Variants in PDGFB observed in about 807,000 individuals in gnomAD.
PDGFB encodes the protein platelet-derived growth factor subunit B.
A neutral mutation model predicts 29.0 loss-of-function variants in PDGFB; 6 were observed. The observed-to-expected ratio is 0.21, with a 90% CI of 0.11 to 0.41. PDGFB has a LOEUF of 0.41. Among genes scored for constraint, PDGFB ranks in the 10% least tolerant of loss-of-function variants. PDGFB has a pLI of 1.00. For missense variants in PDGFB, 299 were observed against 341.8 expected (o/e 0.87, Z 0.99); for synonymous variants, 144 against 140.8 (o/e 1.02, Z -0.16).
intron 5 of PDGFB, among the ~76,000 whole-genome samples, chr22:39,229,512 C>T (rs775186567): frequency 1.2e-4 from 19 of 152,184 alleles, no homozygotes; most frequent in Admixed American, 6.5e-4. Flanking sequence ...ACGAGAAATT[C>T]GTTTGATTTC....
chr22:39,229,013 T>C (rs1932235197), intron 5 of PDGFB, among the ~76,000 whole-genome samples: 1 of 151,972 alleles, frequency 6.6e-6, no homozygotes, highest in African/African-American at 2.4e-5. Context: ...TTCCATGGCA[T>C]CCAGCGACTC....
rs1932292735 is a variant in PDGFB, at chr22:39,231,123, T to C, written c.456+499A>G. ...CTGGTGGGCCTCTCTGCACTCTCTTTATTAAAGACACAGCTTGTCAAAGAG... is the reference window on the plus strand; with the variant it reads ...CTGGTGGGCCTCTCTGCACTCTCTTCATTAAAGACACAGCTTGTCAAAGAG... On this transcript the variant is annotated intron_variant, in intron 4 of 6. Transcript: ENST00000331163. The surrounding 1 kb of genome is among the most constrained non-coding windows in gnomAD (Gnocchi z 4.3). 1.3e-5 allele frequency among the ~76,000 whole-genome samples: 2 copies of C among 151,900 alleles called. No individual in the cohort carries two copies. Among genetic ancestry groups the C allele is most frequent in the South Asian group, 2.1e-4 (1 of 4,796 alleles).
Position 39,225,888 on chromosome 22 carries a change from T to C in PDGFB, c.602-41A>G, listed in dbSNP as rs113656523. 5,198 of 1,587,436 alleles carry C rather than the reference T, an allele frequency of 3.3e-3. 135 individuals are homozygous for C. In the African/African-American group the frequency reaches 0.061, roughly 19 times the overall value. On this transcript the variant is annotated intron_variant, in intron 5 of 6. Coordinates refer to ENST00000331163, the MANE Select transcript of PDGFB (RefSeq NM_002608.4). ...AAAGACCTCGTCAGCATGTGGACCA[T>C]TGGGGAGGTCTCTCCCCACTGACCA... is the stretch of plus-strand genomic sequence containing the variant.
At chr22:39,229,882 G>A (rs1932254839) in intron 5 of PDGFB, among the ~76,000 whole-genome samples, 1 of 152,210 alleles carries the variant, frequency 6.6e-6, no homozygotes, top group Admixed American at 6.5e-5. Context: ...GCAGAGACCA[G>A]AGAGCCAGCC....
intron 1 of PDGFB, chr22:39,240,885 G>GCTCAGT: frequency 1.9e-6 from 3 of 1,611,686 alleles, no homozygotes; most frequent in Non-Finnish European, 2.5e-6. Flanking sequence ...CACCATTCCT[G>GCTCAGT]CTCAGTCAGT....
rs752456398 is a variant in PDGFB, at chr22:39,231,577, A to AGAAGCCCCAGAAG, written c.456+44_456+45insCTTCTGGGGCTTC. ...TATGAGCCCCAGAAGGGTGGTCTCCACCCACCACCGGGACCAGCCTCGGGG... is the reference window on the plus strand; with the variant it reads ...TATGAGCCCCAGAAGGGTGGTCTCCAGAAGCCCCAGAAGCCCACCACCGGGACCAGCCTCGGGG... On this transcript the variant is annotated intron_variant, in intron 4 of 6. Transcript: ENST00000331163. The surrounding 1 kb of genome is among the most constrained non-coding windows in gnomAD (Gnocchi z 4.3). 6,412 of 1,409,268 alleles carry AGAAGCCCCAGAAG rather than the reference A, an allele frequency of 4.5e-3. 19 individuals carry two copies. The highest frequency in any genetic ancestry group is 5.5e-3 in the Non-Finnish European group (5,738 of 1,042,266). The allele number at this position is 1,409,268 out of a possible 1,614,324, so 87.3% of individuals were successfully genotyped here. A position where few individuals can be genotyped will look rare whatever the true frequency, so the allele number is the denominator to read the frequency against.
chr22:39,244,416 GC>G lies in PDGFB; in HGVS notation c.-454del. Reference sequence around the variant, plus strand: ...CTTTTTTGCAACATTTTCTGGAAAGGCCCCCAAAATCGGAAAGCGCGGAGCT... The same window carrying G: ...CTTTTTTGCAACATTTTCTGGAAAGGCCCCAAAATCGGAAAGCGCGGAGCT... On this transcript the variant is annotated 5_prime_UTR_variant, in exon 1 of 7. Coordinates refer to ENST00000331163, the MANE Select transcript of PDGFB (RefSeq NM_002608.4). The surrounding 1 kb of genome is among the most constrained non-coding windows in gnomAD (Gnocchi z 4.5). 1 of 185,304 alleles carries G rather than the reference GC, an allele frequency of 5.4e-6. No individual in the cohort carries two copies. The highest frequency in any genetic ancestry group is 1.1e-5 in the Non-Finnish European group (1 of 87,088). The allele number at this position is 185,304 out of a possible 1,614,324, so 11.5% of individuals were successfully genotyped here.
At chr22:39,239,469 G>A (rs555438143) in intron 1 of PDGFB, among the ~76,000 whole-genome samples, 5 of 152,286 alleles carry the variant, frequency 3.3e-5, no homozygotes, top group Admixed American at 1.3e-4. Flanking sequence ...TGGGGATGAC[G>A]AGCATGAGCA....
At chr22:39,232,848 C>G (rs1160138186) in intron 3 of PDGFB, among the ~76,000 whole-genome samples, 1 of 152,142 alleles carries the variant, frequency 6.6e-6, no homozygotes, top group African/African-American at 2.4e-5. Context: ...TTTGGGGACT[C>G]CAGGTGTCAA....
In PDGFB at chr22:39,231,658, C is replaced by T; in HGVS notation, c.420G>A (p.Gln140=). The T allele has an allele frequency of 6.3e-7, 1 of 1,587,052 alleles. No individual in the cohort carries two copies. Among genetic ancestry groups the T allele is most frequent in the Non-Finnish European group, 8.6e-7 (1 of 1,167,688 alleles). ...CSGCCNNRNV[Q]CRPTQVQLRP... ...GCAGCTGCACCTGGGTGGGGCGGCA[C>T]TGCACGTTGCGGTTGTTGCAGCAGC... The change falls in exon 4 of 7, where the codon CAG becomes CAA. Residue 140 remains glutamine (Q), a synonymous_variant. Coordinates refer to ENST00000331163, the MANE Select transcript of PDGFB (RefSeq NM_002608.4). This position sits in a 1 kb window ranked among gnomAD's most constrained non-coding sequence, Gnocchi z 4.3.
In PDGFB at chr22:39,244,521, A is replaced by G; in HGVS notation, c.-558T>C. The G allele has an allele frequency of 5.8e-6, 1 of 171,054 alleles. No homozygotes were observed. The highest frequency in any genetic ancestry group is 1.0e-4 in the East Asian group (1 of 9,626). The allele number at this position is 171,054 out of a possible 1,614,324, so 10.6% of individuals were successfully genotyped here. A position where few individuals can be genotyped will look rare whatever the true frequency, so the allele number is the denominator to read the frequency against. On this transcript the variant is annotated 5_prime_UTR_variant, in exon 1 of 7. Transcript: ENST00000331163. This position sits in a 1 kb window ranked among gnomAD's most constrained non-coding sequence, Gnocchi z 4.5. Reference sequence around the variant, plus strand: ...GCAACGGCAGCTCGAGCACCCGGGCAGGGAGAGGTGCAAACTCCCGCCCGG... The same window carrying G: ...GCAACGGCAGCTCGAGCACCCGGGCGGGGAGAGGTGCAAACTCCCGCCCGG...
Position 39,231,521 on chromosome 22 carries a change from C to T in PDGFB, c.456+101G>A. ...AAATCAGGAATGTCCTTCGACACAC[C>T]ACTCTGCCCAGTCAAGGAAGCCTGG... On this transcript the variant is annotated intron_variant, in intron 4 of 6. Coordinates refer to ENST00000331163, the MANE Select transcript of PDGFB (RefSeq NM_002608.4). This position sits in a 1 kb window ranked among gnomAD's most constrained non-coding sequence, Gnocchi z 4.3. The T allele has an allele frequency of 1.2e-6, 1 of 858,724 alleles. No individual in the cohort carries two copies. The highest frequency in any genetic ancestry group is 1.8e-6 in the Non-Finnish European group (1 of 568,014). 53.2% of individuals were successfully genotyped at this position (858,724 alleles called of 1,614,324 possible).
chr22:39,225,793 G>C lies in PDGFB; in HGVS notation c.656C>G (p.Pro219Arg), dbSNP rs200444646. 1.3e-4 allele frequency: 216 copies of C among 1,614,150 alleles called. No individual in the cohort carries two copies. The highest frequency in any genetic ancestry group is 1.7e-4 in the Non-Finnish European group (204 of 1,180,006). The change falls in exon 6 of 7, where the codon CCC (proline) becomes CGC (arginine). Residue 219 changes from proline (P) to arginine (R), a missense_variant. Transcript: ENST00000331163. ...TIRTVRVRRP[P>R]KGKHRKFKHT... ...CTTGAATTTCCGGTGCTTGCCCTTGGGGGGCCGGCGGACTCGCACCGTCCG... is the reference window on the plus strand; with the variant it reads ...CTTGAATTTCCGGTGCTTGCCCTTGCGGGGCCGGCGGACTCGCACCGTCCG...
intron 5 of PDGFB, among the ~76,000 whole-genome samples, chr22:39,227,066 C>T (rs532314980): frequency 3.1e-4 from 47 of 152,366 alleles, no homozygotes; most frequent in Non-Finnish European, 3.4e-4. Context: ...TCAAGTGATT[C>T]TCCTGCCTCA....
chr22:39,238,229 T>C (rs1375200004), intron 1 of PDGFB, among the ~76,000 whole-genome samples: 1 of 152,118 alleles, frequency 6.6e-6, no homozygotes, highest in Non-Finnish European at 1.5e-5. Context: ...CCTCGGTAAA[T>C]ACTGGTCAAA....
rs1932603029 is a variant in PDGFB at position 39,242,927 on chromosome 22, T to C, written c.63+974A>G. ...GTCCTGCCCCGCCCCCTTTCCCACC[T>C]GGATTCCGGGTAGACTTGCCAACTC... On this transcript the variant is annotated intron_variant, in intron 1 of 6. Transcript: ENST00000331163. The surrounding 1 kb of genome is among the most constrained non-coding windows in gnomAD (Gnocchi z 5.7). The C allele has an allele frequency of 4.3e-6, 1 of 232,948 alleles. No homozygotes were observed. Among genetic ancestry groups the C allele is most frequent in the Non-Finnish European group, 8.5e-6 (1 of 117,896 alleles). The allele number at this position is 232,948 out of a possible 1,614,324, so 14.4% of individuals were successfully genotyped here.
intron 1 of PDGFB, chr22:39,241,020 G>C: frequency 1.2e-6 from 1 of 862,202 alleles, no homozygotes; most frequent in Non-Finnish European, 1.9e-6. Context: ...CACCTCCAGG[G>C]CTCTGGGATT....
chr22:39,234,115 A>G (rs902790773), intron 2 of PDGFB, among the ~76,000 whole-genome samples: 1 of 152,078 alleles, frequency 6.6e-6, no homozygotes, highest in Non-Finnish European at 1.5e-5. Context: ...AGTCCCTGCC[A>G]CACACCCTTC....
At chr22:39,239,496 G>A (rs959993872) in intron 1 of PDGFB, among the ~76,000 whole-genome samples, 1 of 152,184 alleles carries the variant, frequency 6.6e-6, no homozygotes, top group African/African-American at 2.4e-5. Context: ...GGGAGTCACA[G>A]GCTCTTCTTG....
Sources: allele counts gnomAD v4.1 joint callset (sites outside exome capture counted in the v4.1 genomes callset), GRCh38; gene constraint gnomAD v4.1.1; non-coding constraint Gnocchi (gnomAD v3.1); transcripts MANE v1.5; gene names NCBI Gene and HGNC (gene_info 2026-07-23, HGNC 2026-07-21).